STARD7: variants seen among roughly 807,000 people sequenced by gnomAD.
STARD7 encodes the protein StAR related lipid transfer domain containing 7, also known as stAR-related lipid transfer protein 7, mitochondrial.
A neutral mutation model predicts 45.3 loss-of-function variants in STARD7; 30 were observed. The observed-to-expected ratio is 0.66, with a 90% CI of 0.50 to 0.90. STARD7 has a LOEUF of 0.90. Among genes scored for constraint, STARD7 ranks in the 40% least tolerant of loss-of-function variants. The pLI is 0.00. For missense variants in STARD7, 495 were observed against 491.3 expected, an observed-to-expected ratio of 1.01 and a Z score of -0.07; for synonymous variants, 199 against 183.0, an observed-to-expected ratio of 1.09 and a Z score of -0.70.
chr2:96,202,807 T>G (rs1437321580), intron 1 of STARD7, among the ~76,000 whole-genome samples: 2 of 152,230 alleles, frequency 1.3e-5, no homozygotes, highest in Non-Finnish European at 2.9e-5. Flanking sequence ...TGGAATGTCG[T>G]ACTAAAACAT....
rs1017349870 is a variant in STARD7, at chr2:96,208,015, C to G, written c.290+130G>C. The G allele has an allele frequency of 8.7e-6, 7 of 802,490 alleles. No individual in the cohort carries two copies. The African/African-American group carries it at 9.1e-5, about 10-fold the overall frequency. 49.7% of individuals were successfully genotyped at this position (802,490 alleles called of 1,614,324 possible). A position where few individuals can be genotyped will look rare whatever the true frequency, so the allele number is the denominator to read the frequency against. ...CAAATAACAACGCGGTTTGCTGAAG[C>G]AGGTTCAATCGACTGTATTGCCAAT... On this transcript the variant is annotated intron_variant, in intron 1 of 7. Coordinates refer to ENST00000337288, the MANE Select transcript of STARD7 (RefSeq NM_020151.4).
At chr2:96,204,587 C>T (rs1683358388) in intron 1 of STARD7, among the ~76,000 whole-genome samples, 1 of 152,082 alleles carries the variant, frequency 6.6e-6, no homozygotes, top group South Asian at 2.1e-4. Flanking sequence ...GAGGACAGGA[C>T]AGGACAGGAC....
rs1351249687 is a variant in STARD7 at position 96,186,586 on chromosome 2, G to A, written c.*144C>T. ...GAGCAATAAGGGCTCTGAATGAAAT[G>A]GGACATCAGTTATTGAATTATCTTG... On this transcript the variant is annotated 3_prime_UTR_variant, in exon 8 of 8. Coordinates refer to ENST00000337288, the MANE Select transcript of STARD7 (RefSeq NM_020151.4). 1.9e-6 allele frequency: 1 copy of A among 534,758 alleles called. No homozygotes were observed. The highest frequency in any genetic ancestry group is 3.2e-6 in the Non-Finnish European group (1 of 311,442). The allele number at this position is 534,758 out of a possible 1,614,324, so 33.1% of individuals were successfully genotyped here. A position where few individuals can be genotyped will look rare whatever the true frequency, so the allele number is the denominator to read the frequency against.
chr2:96,189,489 G>A (rs534271044), intron 6 of STARD7, among the ~76,000 whole-genome samples: 2 of 152,260 alleles, frequency 1.3e-5, no homozygotes, highest in African/African-American at 4.8e-5. Flanking sequence ...CGGATCACTT[G>A]AAGTCAGGAG....
intron 1 of STARD7, among the ~76,000 whole-genome samples, chr2:96,207,727 T>A (rs924018842): frequency 6.6e-6 from 1 of 152,344 alleles, no homozygotes; most frequent in Non-Finnish European, 1.5e-5. Context: ...GAGTCCCATC[T>A]GGATTGAAGT....
At chr2:96,197,251 A>G (rs2104192734) in intron 1 of STARD7, among the ~76,000 whole-genome samples, 1 of 147,748 alleles carries the variant, frequency 6.8e-6, no homozygotes, top group East Asian at 2.1e-4. Context: ...CTAAAAATAC[A>G]AAAATTAGCT....
Position 96,186,776 on chromosome 2 carries a change from C to A in STARD7, c.1067G>T (p.Arg356Leu). ...EAKATSQSSERKNEGSCGPAR... is the reference protein window; with the variant it reads ...EAKATSQSSELKNEGSCGPAR... The stretch of plus-strand genomic sequence containing the variant: ...AGGGCCACAGCTGCCCTCGTTCTTT[C>A]GCTCAGAGGACTGGCTGGTGGCCTT... Residue 356 changes from arginine (R) to leucine (L), a missense_variant, in exon 8 of 8, where the codon CGA (arginine) becomes CTA (leucine). Coordinates refer to ENST00000337288, the MANE Select transcript of STARD7 (RefSeq NM_020151.4). 1 of 1,613,714 alleles carries A rather than the reference C, an allele frequency of 6.2e-7. No individual in the cohort carries two copies. Among genetic ancestry groups the A allele is most frequent in the Non-Finnish European group, 8.5e-7 (1 of 1,179,774 alleles).
At chr2:96,189,392 T>C (rs1276431414) in intron 6 of STARD7, among the ~76,000 whole-genome samples, 2 of 152,170 alleles carry the variant, frequency 1.3e-5, no homozygotes, top group Non-Finnish European at 1.5e-5. Flanking sequence ...TGCATATCTT[T>C]ACTCTGACAC....
At position 96,208,554 on chromosome 2, in the gene STARD7, G is replaced by A. The variant is rs1435532305; in HGVS notation, c.-120C>T. 3 of 874,238 alleles carry A rather than the reference G, an allele frequency of 3.4e-6. No homozygotes were observed. The highest frequency in any genetic ancestry group is 2.5e-5 in the South Asian group (1 of 39,866). 54.2% of individuals were successfully genotyped at this position (874,238 alleles called of 1,614,324 possible). On this transcript the variant is annotated 5_prime_UTR_variant, in exon 1 of 8. Transcript: ENST00000337288. ...GGCCACGAACCCGTCTCACGGTCCC[G>A]CGGCCAGGAGCCGCCGCTCATCTGT...
intron 1 of STARD7, 87 bp from the exon 2 acceptor site, chr2:96,195,636 A>G: frequency 9.8e-7 from 1 of 1,024,272 alleles, no homozygotes; most frequent in Middle Eastern, 2.0e-4. Flanking sequence ...CAAGAAGGTT[A>G]TACAGTAAAC....
intron 1 of STARD7, among the ~76,000 whole-genome samples, chr2:96,205,083 T>G (rs745918622): frequency 3.3e-5 from 5 of 152,218 alleles, no homozygotes; most frequent in Non-Finnish European, 7.3e-5. Flanking sequence ...CCATTAGATT[T>G]GCCCTGGAAT....
rs778367999 is a variant in STARD7, at chr2:96,193,221, A to G, written c.660+21T>C. 24 of 1,605,534 alleles carry G rather than the reference A, an allele frequency of 1.5e-5. No individual in the cohort carries two copies. In the Admixed American group the frequency reaches 4.0e-4, roughly 27 times the overall value. ...TCACACAAACCTGGACAGAAATAAA[A>G]TCAGAAGTAAAAATACTCACAGGAA... On this transcript the variant is annotated intron_variant, in intron 4 of 7. Coordinates refer to ENST00000337288, the MANE Select transcript of STARD7 (RefSeq NM_020151.4).
Position 96,185,297 on chromosome 2 carries a change from C to A in STARD7, c.*1433G>T, listed in dbSNP as rs1683017221. 1 of 152,276 alleles carries A rather than the reference C, an allele frequency of 6.6e-6. No individual in the cohort carries two copies. The highest frequency in any genetic ancestry group is 2.4e-5 in the African/African-American group (1 of 41,292). The allele number at this position is 152,276 out of a possible 1,614,324, so 9.4% of individuals were successfully genotyped here. On this transcript the variant is annotated 3_prime_UTR_variant, in exon 8 of 8. Coordinates refer to ENST00000337288, the MANE Select transcript of STARD7 (RefSeq NM_020151.4). ...CTTCCTTGGCACAAAAATGAACAGG[C>A]AACAAGAAGGTCAAGGAAGTGTTTA... is the stretch of plus-strand genomic sequence containing the variant.
chr2:96,201,411 A>G (rs1246559982), intron 1 of STARD7, among the ~76,000 whole-genome samples: 1 of 144,314 alleles, frequency 6.9e-6, no homozygotes, highest in African/African-American at 2.5e-5. Flanking sequence ...TCCACCTCTA[A>G]AAAAAAAAAA....
chr2:96,186,378 C>T lies in STARD7; in HGVS notation c.*352G>A, dbSNP rs1436849425. 7 of 174,026 alleles carry T rather than the reference C, an allele frequency of 4.0e-5. No homozygotes were observed. Among genetic ancestry groups the T allele is most frequent in the African/African-American group, 7.1e-5 (3 of 42,244 alleles). The allele number at this position is 174,026 out of a possible 1,614,324, so 10.8% of individuals were successfully genotyped here. A position where few individuals can be genotyped will look rare whatever the true frequency, so the allele number is the denominator to read the frequency against. On this transcript the variant is annotated 3_prime_UTR_variant, in exon 8 of 8. Transcript: ENST00000337288. The stretch of plus-strand genomic sequence containing the variant: ...AAGGAAATCCAAAGCGCTGCACAAT[C>T]GATGGTGGGATTTGGAATGTCAGCA...
intron 6 of STARD7, among the ~76,000 whole-genome samples, chr2:96,190,485 G>A (rs911715761): frequency 6.6e-6 from 1 of 151,902 alleles, no homozygotes; most frequent in South Asian, 2.1e-4. Context: ...TTACAGACAC[G>A]TGCCACAATG....
Position 96,186,777 on chromosome 2 carries a change from G to A in STARD7, c.1066C>T (p.Arg356Ter). ...GGGCCACAGCTGCCCTCGTTCTTTC[G>A]CTCAGAGGACTGGCTGGTGGCCTTG... is the stretch of plus-strand genomic sequence containing the variant. ...EAKATSQSSERKNEGSCGPAR... is the reference protein window; with the variant it reads ...EAKATSQSSE The change falls in exon 8 of 8, where the codon CGA (arginine) becomes TGA (stop). Residue 356 changes from arginine to a stop codon, truncating the protein, a stop_gained. Transcript: ENST00000337288. LOFTEE classifies it high-confidence loss of function. The A allele has an allele frequency of 3.1e-6, 5 of 1,613,698 alleles. No homozygotes were observed. Among genetic ancestry groups the A allele is most frequent in the Non-Finnish European group, 4.2e-6 (5 of 1,179,766 alleles).
intron 5 of STARD7, 45 bp downstream of exon 5, chr2:96,193,033 C>T: frequency 7.0e-7 from 1 of 1,428,828 alleles, no homozygotes. Flanking sequence ...GAATGAAGGC[C>T]ACAGCTAAAG....
rs564707239 is a variant in STARD7, at chr2:96,200,521, A to T, written c.291-4972T>A. ...GGTGACATCTTGGGGAAAAATAAGA[A>T]TACAACTGGAAAAAGGTACAGAGGA... On this transcript the variant is annotated intron_variant, in intron 1 of 7. Coordinates refer to ENST00000337288, the MANE Select transcript of STARD7 (RefSeq NM_020151.4). Among the ~76,000 whole-genome samples the T allele has an allele frequency of 7.2e-5, 11 of 152,226 alleles. No individual in the cohort carries two copies. In the South Asian group the frequency reaches 8.3e-4, roughly 11 times the overall value.
Sources: allele counts gnomAD v4.1 joint callset (sites outside exome capture counted in the v4.1 genomes callset), GRCh38; gene constraint gnomAD v4.1.1; transcripts MANE v1.5; gene names NCBI Gene and HGNC (gene_info 2026-07-23, HGNC 2026-07-21).